Variants in MEF2D observed in about 807,000 individuals in gnomAD.
The protein encoded by MEF2D is myocyte enhancer factor 2D.
A neutral mutation model predicts 59.3 loss-of-function variants in MEF2D; 10 were observed. The observed-to-expected ratio is 0.17, with a 90% CI of 0.10 to 0.29. The LOEUF (loss-of-function observed/expected upper bound fraction) is 0.29, where lower values mean the gene tolerates loss of function less well. Ranked by LOEUF, MEF2D falls within the 10% of genes least tolerant of loss-of-function variation. MEF2D has a pLI of 1.00. For synonymous variants in MEF2D, 305 were observed against 295.0 expected (o/e 1.03, Z -0.35); for missense variants, 508 against 699.4 (o/e 0.73, Z 3.09).
In MEF2D at chr1:156,469,581, G is replaced by A. The variant is rs1325878485; in HGVS notation, c.1007-561C>T. Among the ~76,000 whole-genome samples, 25 of 120,332 alleles carry A rather than the reference G, an allele frequency of 2.1e-4. 1 individual carries two copies. Among genetic ancestry groups the A allele is most frequent in the Non-Finnish European group, 3.3e-5 (2 of 59,868 alleles). The allele number at this position is 120,332 out of a possible 152,430, so 78.9% of individuals were successfully genotyped here. A position where few individuals can be genotyped will look rare whatever the true frequency, so the allele number is the denominator to read the frequency against. On this transcript the variant is annotated intron_variant, in intron 9 of 11. Coordinates refer to ENST00000348159, the MANE Select transcript of MEF2D (RefSeq NM_005920.4). The stretch of plus-strand genomic sequence containing the variant: ...CCAAGAGGTGGTTTTTAAAAATAGT[G>A]TTGAACTTAAAAAAAAAAAAAAAAA...
chr1:156,486,964 A>C (rs1351276601), intron 1 of MEF2D, among the ~76,000 whole-genome samples: 1 of 152,038 alleles, frequency 6.6e-6, no homozygotes, highest in Admixed American at 6.5e-5. Context: ...TGCTCTCCCA[A>C]CTGCCCCTGA....
In MEF2D at chr1:156,483,234, C is replaced by T. The variant is rs774966530; in HGVS notation, c.54+5G>A. 8.4e-5 allele frequency: 135 copies of T among 1,614,012 alleles called. No homozygotes were observed. The highest frequency in any genetic ancestry group is 1.1e-4 in the Non-Finnish European group (130 of 1,180,000). ...CCACTTCGTACGGCTCTAGGACTTC[C>T]CTACCTGTCGGTTCCGCTCGTCGGT... On this transcript the variant is annotated splice_donor_5th_base_variant and intron_variant, in intron 2 of 11. Transcript: ENST00000348159.
chr1:156,498,299 C>T (rs1571281505), intron 1 of MEF2D, among the ~76,000 whole-genome samples: 1 of 151,960 alleles, frequency 6.6e-6, no homozygotes, highest in Admixed American at 6.5e-5. Context: ...CCCTCCAAGT[C>T]CTCCACCAAT....
chr1:156,496,381 C>G (rs926892541), intron 1 of MEF2D, among the ~76,000 whole-genome samples: 1 of 152,042 alleles, frequency 6.6e-6, no homozygotes, highest in African/African-American at 2.4e-5. Context: ...GAGGAGGGAC[C>G]CGGGGACACA....
At chr1:156,474,962 C>T in intron 9 of MEF2D, 146 bp downstream of exon 9, 2 of 1,153,616 alleles carry the variant, frequency 1.7e-6, no homozygotes, top group Non-Finnish European at 2.4e-6. Context: ...TTTGCTAAAC[C>T]TGTTAACCAT....
At chr1:156,490,860 T>G (rs546974347) in intron 1 of MEF2D, among the ~76,000 whole-genome samples, 43 of 152,328 alleles carry the variant, frequency 2.8e-4, no homozygotes, top group African/African-American at 9.4e-4. Flanking sequence ...CCTCCATGTC[T>G]TCCTCACCCC....
chr1:156,471,087 G>A (rs755068450), intron 9 of MEF2D, among the ~76,000 whole-genome samples: 2 of 152,042 alleles, frequency 1.3e-5, no homozygotes, highest in African/African-American at 4.8e-5. Context: ...ACAGAGTCTC[G>A]CTCTGTTGCC....
At chr1:156,483,633 T>C (rs191160508) in intron 1 of MEF2D, among the ~76,000 whole-genome samples, 2,863 of 152,298 alleles carry the variant, frequency 0.019, 56 homozygotes, top group Non-Finnish European at 0.03. Flanking sequence ...AGGCCCAGAC[T>C]CTTTCCCCTC....
chr1:156,481,191 A>G (rs1671992769), intron 3 of MEF2D, among the ~76,000 whole-genome samples: 3 of 152,258 alleles, frequency 2.0e-5, no homozygotes, highest in Middle Eastern at 6.8e-3. Context: ...ACAGAGAACA[A>G]GGCTGGAAGG....
chr1:156,467,707 T>C (rs757981126), intron 11 of MEF2D, 51 bp from the exon 12 acceptor site: 1 of 1,348,244 alleles, frequency 7.4e-7, no homozygotes, highest in Non-Finnish European at 9.6e-7. Flanking sequence ...GCCCAGGCTT[T>C]GGGTATGCAC....
rs755531910 is a variant in MEF2D, at chr1:156,468,956, C to T, written c.1071G>A (p.Ser357=). ...GTTGCCAGGCAGTGACATTGCCTAG[C>T]GACAGCCCCCCAGGTGAACTAAAGG... ...LPAFSSPGGL[S]LGNVTAWQQP... is the part of the protein sequence containing the mutation. Residue 357 remains serine (S), a synonymous_variant, in exon 10 of 12, where the codon TCG becomes TCA. Transcript: ENST00000348159. This position sits in a 1 kb window ranked among gnomAD's most constrained non-coding sequence, Gnocchi z 4.3. The T allele has an allele frequency of 4.3e-6, 7 of 1,613,660 alleles. No individual in the cohort carries two copies. The highest frequency in any genetic ancestry group is 2.2e-5 in the East Asian group (1 of 44,886).
intron 1 of MEF2D, among the ~76,000 whole-genome samples, chr1:156,486,280 G>C (rs1339024921): frequency 3.9e-5 from 6 of 152,138 alleles, no homozygotes; most frequent in Non-Finnish European, 8.8e-5. Context: ...CCAGCCCAGG[G>C]ATTTCAGCTC....
At chr1:156,491,095 C>T (rs191603948) in intron 1 of MEF2D, among the ~76,000 whole-genome samples, 128 of 152,272 alleles carry the variant, frequency 8.4e-4, no homozygotes, top group African/African-American at 3.0e-3. Context: ...TTGGGGGCAA[C>T]AGGAGATTGA....
At position 156,479,298 on chromosome 1, in the gene MEF2D, C is replaced by T; in HGVS notation, c.656G>A (p.Ser219Asn). The T allele has an allele frequency of 1.9e-6, 3 of 1,612,440 alleles. No homozygotes were observed. Among genetic ancestry groups the T allele is most frequent in the Non-Finnish European group, 2.5e-6 (3 of 1,179,310 alleles). ...DLNSANGACP[S>N]PVGNGYVSAR... Reference sequence around the variant, plus strand: ...AGGATGACTGCACTCACCAACAGGGCTGGGGCAGGCTCCGTTAGCACTGTT... The same window carrying T: ...AGGATGACTGCACTCACCAACAGGGTTGGGGCAGGCTCCGTTAGCACTGTT... Residue 219 changes from serine (S) to asparagine (N), a missense_variant, in exon 6 of 12, where the codon AGC becomes AAC. Physicochemically the swap from Ser to Asn is conservative, Grantham distance 46. This residue lies in a region of MEF2D where 481 missense variants were observed against 584.7 expected (regional missense o/e 0.82). Transcript: ENST00000348159.
At chr1:156,476,832 G>A (rs997295932) in intron 7 of MEF2D, 180 bp downstream of exon 7, 2 of 730,780 alleles carry the variant, frequency 2.7e-6, no homozygotes, top group Non-Finnish European at 4.4e-6. Flanking sequence ...TTCTTGTGCT[G>A]CAACCTCTTA....
rs1203137606 is a variant in MEF2D at position 156,483,409 on chromosome 1, A to G, written c.-117T>C. On this transcript the variant is annotated 5_prime_UTR_variant, in exon 2 of 12. Transcript: ENST00000348159. ...GAACAGTGCTCAGTTCATGGTCTGC[A>G]GGATACCTTCTGCACAGCCTCCTGG... 1.0e-6 allele frequency: 1 copy of G among 997,706 alleles called. No individual in the cohort carries two copies. The highest frequency in any genetic ancestry group is 2.4e-5 in the East Asian group (1 of 41,632). The allele number at this position is 997,706 out of a possible 1,614,324, so 61.8% of individuals were successfully genotyped here.
intron 6 of MEF2D, 131 bp downstream of exon 6, chr1:156,479,159 G>C (rs1033254731): frequency 6.0e-6 from 4 of 661,346 alleles, no homozygotes; most frequent in East Asian, 3.3e-5. Flanking sequence ...ATCTCTGACT[G>C]ACTCTTCATC....
In MEF2D at chr1:156,480,838, T is replaced by A; in HGVS notation, c.392A>T (p.Tyr131Phe). The A allele has an allele frequency of 6.3e-7, 1 of 1,594,002 alleles. No homozygotes were observed. Among genetic ancestry groups the A allele is most frequent in the Non-Finnish European group, 8.5e-7 (1 of 1,170,604 alleles). ...SEELDGLFRR[Y>F]GSTVPAPNFA... ...GACAGAGTGAGTGGGGCTCACCCCA[T>A]AGCGCCGGAAGAGCCCGTCGAGCTC... is the stretch of plus-strand genomic sequence containing the variant. The change falls in exon 4 of 12, where the codon TAT becomes TTT. Residue 131 changes from tyrosine (Y) to phenylalanine (F), a missense_variant. By Grantham distance (22) the Tyr-to-Phe change is conservative. This residue lies in a region of MEF2D where 481 missense variants were observed against 584.7 expected (regional missense o/e 0.82). Coordinates refer to ENST00000348159, the MANE Select transcript of MEF2D (RefSeq NM_005920.4).
chr1:156,498,453 C>T (rs1334730345), intron 1 of MEF2D, among the ~76,000 whole-genome samples: 2 of 152,264 alleles, frequency 1.3e-5, no homozygotes, highest in East Asian at 3.9e-4. Context: ...GTCTCCCTTC[C>T]CAGAATCCCT....
Sources: allele counts gnomAD v4.1 joint callset (sites outside exome capture counted in the v4.1 genomes callset), GRCh38; gene constraint gnomAD v4.1.1; regional missense constraint gnomAD v4.1.1; non-coding constraint Gnocchi (gnomAD v3.1); transcripts MANE v1.5; gene names NCBI Gene and HGNC (gene_info 2026-07-23, HGNC 2026-07-21).